Variants in VAMP4 observed in about 807,000 individuals in gnomAD.
VAMP4 encodes the protein vesicle associated membrane protein 4.
A neutral mutation model predicts 23.5 loss-of-function variants in VAMP4; 19 were observed. The observed-to-expected ratio is 0.81, with a 90% CI of 0.56 to 1.19. The LOEUF is 1.19. Among genes scored for constraint, VAMP4 ranks in the 50% most tolerant of loss-of-function variants. VAMP4 has a pLI of 0.00. For synonymous variants in VAMP4, 31 were observed against 51.0 expected (o/e 0.61, Z 1.67); for missense variants, 145 against 168.6 (o/e 0.86, Z 0.78).
intron 1 of VAMP4, 133 bp from the exon 2 acceptor site, chr1:171,738,596 T>G (rs922305095): frequency 1.7e-6 from 1 of 598,468 alleles, no homozygotes; most frequent in Non-Finnish European, 2.9e-6. Flanking sequence ...CCCTCTCACT[T>G]GTTCCACTCC....
chr1:171,712,706 A>G (rs1654888053), intron 4 of VAMP4, among the ~76,000 whole-genome samples: 1 of 152,152 alleles, frequency 6.6e-6, no homozygotes, highest in Non-Finnish European at 1.5e-5. Context: ...GCAACTCCTA[A>G]TCCCCTAAGT....
rs539183701 is a variant in VAMP4 at position 171,724,592 on chromosome 1, A to G, written c.113+3932T>C. Among the ~76,000 whole-genome samples, 7 of 152,316 alleles carry G rather than the reference A, an allele frequency of 4.6e-5. No homozygotes were observed. The South Asian group carries it at 1.5e-3, about 32-fold the overall frequency. On this transcript the variant is annotated intron_variant, in intron 3 of 7. Transcript: ENST00000236192. ...ATTAAGTACCCAAATAAATAAAAAG[A>G]TATACTATGCTCATGGGTCAGAAAA...
intron 4 of VAMP4, among the ~76,000 whole-genome samples, chr1:171,711,569 T>C (rs1026050740): frequency 6.6e-6 from 1 of 152,152 alleles, no homozygotes; most frequent in African/African-American, 2.4e-5. Context: ...AAACTTAAAA[T>C]TGTAATAACT....
rs935702282 is a variant in VAMP4 at position 171,701,620 on chromosome 1, C to G, written c.*2886G>C. ...TCCTAATACAGACTATTGAAATGCA[C>G]AGAAAGACTACAATAGGCAATCTAT... is the stretch of plus-strand genomic sequence containing the variant. On this transcript the variant is annotated 3_prime_UTR_variant, in exon 8 of 8. Coordinates refer to ENST00000236192, the MANE Select transcript of VAMP4 (RefSeq NM_003762.5). 1.3e-5 allele frequency: 2 copies of G among 152,140 alleles called. No homozygotes were observed. The highest frequency in any genetic ancestry group is 3.8e-4 in the East Asian group (2 of 5,204). 9.4% of individuals were successfully genotyped at this position (152,140 alleles called of 1,614,324 possible). A position where few individuals can be genotyped will look rare whatever the true frequency, so the allele number is the denominator to read the frequency against.
intron 2 of VAMP4, among the ~76,000 whole-genome samples, chr1:171,731,527 C>A (rs1416331174): frequency 6.6e-6 from 1 of 152,110 alleles, no homozygotes; most frequent in Non-Finnish European, 1.5e-5. Context: ...CATAAAAAAT[C>A]ACTCTGAAGA....
chr1:171,741,443 G>A (rs1373832653), intron 1 of VAMP4, among the ~76,000 whole-genome samples: 1 of 151,778 alleles, frequency 6.6e-6, no homozygotes, highest in Non-Finnish European at 1.5e-5. Flanking sequence ...TATAAACACA[G>A]CAGGGTTGGC....
At chr1:171,708,610 C>T (rs369998940) in intron 6 of VAMP4, among the ~76,000 whole-genome samples, 7 of 151,470 alleles carry the variant, frequency 4.6e-5, no homozygotes, top group African/African-American at 1.7e-4. Context: ...CCTGTAATCC[C>T]AGCACTTTGG....
In VAMP4 at chr1:171,702,881, A is replaced by G. The variant is rs543908719; in HGVS notation, c.*1625T>C. The G allele has an allele frequency of 6.6e-6, 1 of 152,026 alleles. No individual in the cohort carries two copies. Among genetic ancestry groups the G allele is most frequent in the South Asian group, 2.1e-4 (1 of 4,828 alleles). The allele number at this position is 152,026 out of a possible 1,614,324, so 9.4% of individuals were successfully genotyped here. A position where few individuals can be genotyped will look rare whatever the true frequency, so the allele number is the denominator to read the frequency against. ...TATAAAATTTAGTAATTCTATTTAG[A>G]TCTTCTTAGATAACTTGCAGGTGTC... On this transcript the variant is annotated 3_prime_UTR_variant, in exon 8 of 8. Transcript: ENST00000236192.
intron 3 of VAMP4, among the ~76,000 whole-genome samples, chr1:171,725,977 T>C (rs1439854418): frequency 6.6e-6 from 1 of 151,480 alleles, no homozygotes; most frequent in Non-Finnish European, 1.5e-5. Flanking sequence ...CGTGAGCCAC[T>C]GTGCCTGGCC....
rs113992098 is a variant in VAMP4 at position 171,720,896 on chromosome 1, T to C, written c.114-1675A>G. On this transcript the variant is annotated intron_variant, in intron 3 of 7. Transcript: ENST00000236192. ...AACCAACCAATACCTCTAATGAACA[T>C]AGATGCAAAAATTCTTAACAAACTC... Among the ~76,000 whole-genome samples the C allele has an allele frequency of 2.8e-3, 421 of 152,138 alleles. 1 individual carries two copies. Among genetic ancestry groups the C allele is most frequent in the Middle Eastern group, 0.014 (4 of 294 alleles).
chr1:171,719,147 T>C (rs1572245498), intron 4 of VAMP4, 24 bp downstream of exon 4: 2 of 1,605,638 alleles, frequency 1.2e-6, no homozygotes, highest in Non-Finnish European at 1.7e-6. Flanking sequence ...ATGATTATCA[T>C]TTAAACAAAT....
rs912855903 is a variant in VAMP4 at position 171,703,161 on chromosome 1, C to T, written c.*1345G>A. ...TTTTTAATTTAGGGAGTTTTATATTCATATTGTCAAGATATCCAGTGCACA... is the reference window on the plus strand; with the variant it reads ...TTTTTAATTTAGGGAGTTTTATATTTATATTGTCAAGATATCCAGTGCACA... On this transcript the variant is annotated 3_prime_UTR_variant, in exon 8 of 8. Coordinates refer to ENST00000236192, the MANE Select transcript of VAMP4 (RefSeq NM_003762.5). 6.6e-6 allele frequency: 1 copy of T among 151,224 alleles called. No homozygotes were observed. Among genetic ancestry groups the T allele is most frequent in the African/African-American group, 2.4e-5 (1 of 41,188 alleles). 9.4% of individuals were successfully genotyped at this position (151,224 alleles called of 1,614,324 possible). A position where few individuals can be genotyped will look rare whatever the true frequency, so the allele number is the denominator to read the frequency against.
Position 171,704,492 on chromosome 1 carries a change from T to G in VAMP4, c.*14A>C, listed in dbSNP as rs1419657014. On this transcript the variant is annotated 3_prime_UTR_variant, in exon 8 of 8. Transcript: ENST00000236192. ...TGTCCCAGATCTTGTTTAATGAAGATCTCTGTCATCAAATCAAGTACGGTA... is the reference window on the plus strand; with the variant it reads ...TGTCCCAGATCTTGTTTAATGAAGAGCTCTGTCATCAAATCAAGTACGGTA... 1 of 1,575,598 alleles carries G rather than the reference T, an allele frequency of 6.3e-7. No homozygotes were observed. The highest frequency in any genetic ancestry group is 1.8e-5 in the Admixed American group (1 of 54,754).
intron 6 of VAMP4, among the ~76,000 whole-genome samples, chr1:171,708,876 G>GAAAAA (rs75439179): frequency 2.4e-5 from 2 of 84,196 alleles, no homozygotes; most frequent in Admixed American, 1.5e-4. Context: ...CTATCTCAAA[G>GAAAAA]AAAAAAAAAA....
In VAMP4 at chr1:171,738,340, C is replaced by T. The variant is rs567430712; in HGVS notation, c.66+9G>A. 35 of 1,612,568 alleles carry T rather than the reference C, an allele frequency of 2.2e-5. No individual in the cohort carries two copies. The South Asian group carries it at 2.5e-4, about 12-fold the overall frequency. The stretch of plus-strand genomic sequence containing the variant: ...CTTTTGTTTTTAAAGCTTAAGATTC[C>T]GAACTTACCCTTTCACTTTTCACAG... On this transcript the variant is annotated intron_variant, in intron 2 of 7. Transcript: ENST00000236192.
At chr1:171,711,509 TG>T (rs1420820467) in intron 4 of VAMP4, among the ~76,000 whole-genome samples, 7 of 152,114 alleles carry the variant, frequency 4.6e-5, no homozygotes, top group Non-Finnish European at 1.0e-4. Flanking sequence ...TATTAGATGA[TG>T]GGGGCCTGTT....
At chr1:171,708,187 T>C (rs2124838321) in intron 6 of VAMP4, among the ~76,000 whole-genome samples, 1 of 151,658 alleles carries the variant, frequency 6.6e-6, no homozygotes, top group South Asian at 2.1e-4. Context: ...TAATTCCAGC[T>C]ACTCGGGAGA....
chr1:171,722,461 A>G (rs1655226581), intron 3 of VAMP4, among the ~76,000 whole-genome samples: 1 of 152,232 alleles, frequency 6.6e-6, no homozygotes, highest in Non-Finnish European at 1.5e-5. Flanking sequence ...CATCAGAGTG[A>G]ACAGGCAACC....
chr1:171,713,090 C>T (rs1276800094), intron 4 of VAMP4, among the ~76,000 whole-genome samples: 3 of 152,096 alleles, frequency 2.0e-5, no homozygotes, highest in South Asian at 2.1e-4. Flanking sequence ...AAGTCCAGTA[C>T]CTATAGTGGT....
Sources: allele counts gnomAD v4.1 joint callset (sites outside exome capture counted in the v4.1 genomes callset), GRCh38; gene constraint gnomAD v4.1.1; transcripts MANE v1.5; gene names NCBI Gene and HGNC (gene_info 2026-07-23, HGNC 2026-07-21).